RAPGEF1: variants seen among roughly 807,000 people sequenced by gnomAD.
RAPGEF1 encodes the protein CRK SH3-binding GNRP.
Under a neutral mutation model 143.3 loss-of-function variants are expected in RAPGEF1, and 33 were observed. That is an observed-to-expected ratio of 0.23 (90% CI 0.17 to 0.31). The LOEUF (loss-of-function observed/expected upper bound fraction) is 0.31, where lower values mean the gene tolerates loss of function less well. RAPGEF1 is among the 10% of genes least tolerant of loss of function. The pLI, the probability that RAPGEF1 is intolerant of heterozygous loss-of-function variation, is 1.00. For missense variants in RAPGEF1, 1,199 were observed against 1,645.4 expected (o/e 0.73, Z 4.69); for synonymous variants, 629 against 676.5 (o/e 0.93, Z 1.09).
intron 1 of RAPGEF1, chr9:131,737,605 A>C: frequency 1.4e-6 from 2 of 1,469,026 alleles, no homozygotes; most frequent in Non-Finnish European, 1.8e-6. Flanking sequence ...GAGAACTCAA[A>C]TGAAGAGTCA....
chr9:131,590,134 G>C (rs769047023), intron 18 of RAPGEF1, among the ~76,000 whole-genome samples, 156 bp from the exon 19 acceptor site: 2 of 152,098 alleles, frequency 1.3e-5, no homozygotes, highest in Non-Finnish European at 2.9e-5. Context: ...GACTAGCGCA[G>C]TGGAACAACT....
chr9:131,700,238 T>G (rs1042981514), intron 1 of RAPGEF1, among the ~76,000 whole-genome samples: 1 of 152,168 alleles, frequency 6.6e-6, no homozygotes, highest in Admixed American at 6.5e-5. Flanking sequence ...GCCTCCGCCC[T>G]AGTCACACAT....
chr9:131,602,278 A>C, intron 14 of RAPGEF1, 129 bp from the exon 15 acceptor site: 9 of 618,452 alleles, frequency 1.5e-5, no homozygotes, highest in Non-Finnish European at 2.6e-5. Flanking sequence ...GATGTGAACA[A>C]ATTAAAGATG....
chr9:131,585,750 G>A (rs997607531), intron 22 of RAPGEF1, among the ~76,000 whole-genome samples: 1 of 152,074 alleles, frequency 6.6e-6, no homozygotes, highest in Non-Finnish European at 1.5e-5. Flanking sequence ...GCAACAGTGG[G>A]TGGGTGGGGG....
intron 12 of RAPGEF1, among the ~76,000 whole-genome samples, chr9:131,614,424 T>C (rs563745542): frequency 6.6e-6 from 1 of 152,324 alleles, no homozygotes; most frequent in African/African-American, 2.4e-5. Flanking sequence ...TCTCTCCTTC[T>C]CTCTCTATCT....
chr9:131,587,161 T>C (rs1268006344), intron 22 of RAPGEF1, among the ~76,000 whole-genome samples: 4 of 60,838 alleles, frequency 6.6e-5, no homozygotes, highest in African/African-American at 2.4e-4. Context: ...CACACACACC[T>C]GCAGAGCGAG....
chr9:131,716,194 T>A (rs1368366954), intron 1 of RAPGEF1, among the ~76,000 whole-genome samples: 1 of 152,222 alleles, frequency 6.6e-6, no homozygotes, highest in African/African-American at 2.4e-5. Flanking sequence ...TGCAACCTAA[T>A]CTGCAAAACA....
intron 1 of RAPGEF1, among the ~76,000 whole-genome samples, chr9:131,716,687 G>T (rs775703735): frequency 6.6e-6 from 1 of 152,152 alleles, no homozygotes; most frequent in Non-Finnish European, 1.5e-5. Flanking sequence ...GTGAGAGAAT[G>T]GCTTGAGCCT....
chr9:131,611,280 T>C (rs538102950), intron 12 of RAPGEF1, among the ~76,000 whole-genome samples: 3 of 152,332 alleles, frequency 2.0e-5, no homozygotes, highest in Admixed American at 6.5e-5. Context: ...ATTAGCATTA[T>C]GTTGGGTCCA....
At chr9:131,711,207 C>T (rs994206134) in intron 1 of RAPGEF1, among the ~76,000 whole-genome samples, 2 of 151,728 alleles carry the variant, frequency 1.3e-5, no homozygotes, top group South Asian at 2.1e-4. Flanking sequence ...CATGCCACCT[C>T]GCCTGGCTAA....
chr9:131,661,767 T>TA (rs1309019350), intron 1 of RAPGEF1, among the ~76,000 whole-genome samples: 1 of 152,222 alleles, frequency 6.6e-6, no homozygotes, highest in Non-Finnish European at 1.5e-5. Context: ...CCAGAATGAG[T>TA]ATCTTCCCTA....
intron 9 of RAPGEF1, 35 bp downstream of exon 9, chr9:131,627,878 A>G (rs1963710389): frequency 1.3e-6 from 2 of 1,558,040 alleles, no homozygotes; most frequent in Middle Eastern, 1.9e-4. Context: ...GAAGCCACCG[A>G]GACACGATGG....
chr9:131,667,192 G>GGTCAGGCTGGTA lies in RAPGEF1; in HGVS notation c.62-16244_62-16243insTACCAGCCTGAC, dbSNP rs1830578335. Among the ~76,000 whole-genome samples the GGTCAGGCTGGTA allele has an allele frequency of 6.6e-6, 1 of 152,176 alleles. No individual in the cohort carries two copies. The highest frequency in any genetic ancestry group is 6.5e-5 in the Admixed American group (1 of 15,290). ...TTTAGTAGAGATGGGGTTTCACCAT[G>GGTCAGGCTGGTA]TTGGTCAGGCTGGTATCAAACTCCT... On this transcript the variant is annotated intron_variant, in intron 1 of 26. Coordinates refer to ENST00000683357, the MANE Select transcript of RAPGEF1 (RefSeq NM_001377935.1). This position sits in a 1 kb window ranked among gnomAD's most constrained non-coding sequence, Gnocchi z 4.6.
intron 10 of RAPGEF1, among the ~76,000 whole-genome samples, chr9:131,625,366 C>G (rs533694781): frequency 1.1e-4 from 17 of 152,274 alleles, no homozygotes; most frequent in Non-Finnish European, 2.1e-4. Context: ...ACTTCAGCTC[C>G]AACCCTGGGC....
At chr9:131,634,887 G>A (rs1342117419) in intron 5 of RAPGEF1, among the ~76,000 whole-genome samples, 1 of 152,024 alleles carries the variant, frequency 6.6e-6, no homozygotes, top group African/African-American at 2.4e-5. Context: ...ATATCTCTTT[G>A]GCCTCGAGTG....
At chr9:131,589,699 G>C (rs557770281) in intron 19 of RAPGEF1, among the ~76,000 whole-genome samples, 187 bp downstream of exon 19, 28 of 152,292 alleles carry the variant, frequency 1.8e-4, no homozygotes, top group Middle Eastern at 3.4e-3. Context: ...TCCAGGGCCT[G>C]GGTGCAGGGT....
At chr9:131,721,512 C>G (rs1206362085) in intron 1 of RAPGEF1, among the ~76,000 whole-genome samples, 4 of 152,206 alleles carry the variant, frequency 2.6e-5, no homozygotes, top group Non-Finnish European at 5.9e-5. Flanking sequence ...CAGCAAGCTC[C>G]ATGAGGGCAG....
chr9:131,725,542 T>G (rs1189922731), intron 1 of RAPGEF1: 1 of 152,200 alleles, frequency 6.6e-6, no homozygotes, highest in Non-Finnish European at 1.5e-5. Flanking sequence ...CACTGCAGTC[T>G]TGACCTTGCG....
chr9:131,653,033 T>G (rs768700391), intron 1 of RAPGEF1, among the ~76,000 whole-genome samples: 1 of 152,170 alleles, frequency 6.6e-6, no homozygotes, highest in Non-Finnish European at 1.5e-5. Flanking sequence ...CCTACATATG[T>G]TATAATGTGG....
Sources: allele counts gnomAD v4.1 joint callset (sites outside exome capture counted in the v4.1 genomes callset), GRCh38; gene constraint gnomAD v4.1.1; non-coding constraint Gnocchi (gnomAD v3.1); transcripts MANE v1.5; gene names NCBI Gene and HGNC (gene_info 2026-07-23, HGNC 2026-07-21).